The following ATP11B variants were observed in gnomAD, a reference collection of about 807,000 sequenced individuals.
The protein encoded by ATP11B is ATPase phospholipid transporting 11B (putative).
Under a neutral mutation model 157.8 loss-of-function variants are expected in ATP11B, and 81 were observed. That is an observed-to-expected ratio of 0.51 (90% CI 0.43 to 0.62). The LOEUF (loss-of-function observed/expected upper bound fraction) is 0.62, where lower values mean the gene tolerates loss of function less well. Among genes scored for constraint, ATP11B ranks in the 20% least tolerant of loss-of-function variants. ATP11B has a pLI of 0.00. For missense variants in ATP11B, 1,165 were observed against 1,402.2 expected (o/e 0.83, Z 2.70); for synonymous variants, 451 against 469.4 (o/e 0.96, Z 0.51).
At chr3:182,903,343 T>G (rs1265747389) in intron 28 of ATP11B, among the ~76,000 whole-genome samples, 1 of 152,168 alleles carries the variant, frequency 6.6e-6, no homozygotes, top group Non-Finnish European at 1.5e-5. Context: ...AAATTATTTT[T>G]TATTCTCAAG....
chr3:182,845,594 C>CTT, intron 9 of ATP11B, 72 bp downstream of exon 9: 1 of 940,024 alleles, frequency 1.1e-6, no homozygotes, highest in Non-Finnish European at 1.5e-6. Flanking sequence ...TTTAAAAGTA[C>CTT]AATGTGGTCT....
intron 7 of ATP11B, among the ~76,000 whole-genome samples, chr3:182,840,980 GCCCCCAT>G (rs1305829930): frequency 6.6e-6 from 1 of 151,978 alleles, no homozygotes; most frequent in Non-Finnish European, 1.5e-5. Context: ...TCTAGGATCT[GCCCCCAT>G]CCCCCATCCC....
rs1166581485 is a variant in ATP11B, at chr3:182,836,466, T to C, written c.548T>C (p.Leu183Pro). 1 of 1,613,948 alleles carries C rather than the reference T, an allele frequency of 6.2e-7. No homozygotes were observed. The highest frequency in any genetic ancestry group is 1.7e-5 in the Admixed American group (1 of 60,016). Residue 183 changes from leucine (L) to proline (P), a missense_variant, in exon 6 of 30, where the codon CTG (leucine) becomes CCG (proline). By Grantham distance (98) the Leu-to-Pro change is moderately conservative. Transcript: ENST00000323116. ...TTASLDGETN[L>P]KTHVAVPETA... is the part of the protein sequence containing the mutation. ...GCTAGTTTGGACGGAGAAACTAACCTGAAGGTTTGCTTGCATATGTTTGAG... is the reference window on the plus strand; with the variant it reads ...GCTAGTTTGGACGGAGAAACTAACCCGAAGGTTTGCTTGCATATGTTTGAG...
intron 12 of ATP11B, among the ~76,000 whole-genome samples, chr3:182,864,957 A>T (rs1172384365): frequency 1.3e-5 from 2 of 151,868 alleles, no homozygotes; most frequent in Non-Finnish European, 2.9e-5. Context: ...TTCTGTCCTC[A>T]GTTTCAACTT....
At chr3:182,882,554 C>T (rs759583568) in intron 21 of ATP11B, among the ~76,000 whole-genome samples, 5 of 147,762 alleles carry the variant, frequency 3.4e-5, no homozygotes, top group African/African-American at 5.0e-5. Flanking sequence ...TGTAACAAAA[C>T]AAATTCAAGA....
chr3:182,877,363 G>A (rs929751274), intron 19 of ATP11B, among the ~76,000 whole-genome samples: 3 of 152,154 alleles, frequency 2.0e-5, no homozygotes, highest in African/African-American at 7.2e-5. Context: ...TCATAATCCT[G>A]ACTTACAGGC....
intron 28 of ATP11B, among the ~76,000 whole-genome samples, chr3:182,905,503 A>G (rs1304268881): frequency 1.3e-5 from 2 of 152,136 alleles, no homozygotes; most frequent in African/African-American, 2.4e-5. Context: ...TGGCAAATGA[A>G]TTTAATAGAA....
At chr3:182,874,227 T>C (rs193234442) in intron 19 of ATP11B, among the ~76,000 whole-genome samples, 1 of 152,324 alleles carries the variant, frequency 6.6e-6, no homozygotes, top group East Asian at 1.9e-4. Flanking sequence ...CTATAAAGTT[T>C]GATTGGAACA....
chr3:182,865,871 C>G (rs1263012005), intron 13 of ATP11B, among the ~76,000 whole-genome samples, 173 bp downstream of exon 13: 1 of 152,024 alleles, frequency 6.6e-6, no homozygotes, highest in African/African-American at 2.4e-5. Context: ...TTGTTACAGC[C>G]CAGTTTAACT....
chr3:182,885,023 T>C (rs1310052939), intron 22 of ATP11B, 125 bp downstream of exon 22: 1 of 632,574 alleles, frequency 1.6e-6, no homozygotes. Context: ...CAGTATTTTG[T>C]CATAAATCTA....
Position 182,842,582 on chromosome 3 carries a change from A to G in ATP11B, c.704+460A>G, listed in dbSNP as rs909755066. ...CTTTACTCCAGAGTATAGGGCAGGA[A>G]GGACCCTCTCTGGGGATGGCCTTAA... On this transcript the variant is annotated intron_variant, in intron 8 of 29. Coordinates refer to ENST00000323116, the MANE Select transcript of ATP11B (RefSeq NM_014616.3). 1.2e-4 allele frequency among the ~76,000 whole-genome samples: 19 copies of G among 152,076 alleles called. 1 individual carries two copies. The highest frequency in any genetic ancestry group is 4.6e-4 in the African/African-American group (19 of 41,406).
At chr3:182,823,476 A>C (rs10049257) in intron 2 of ATP11B, among the ~76,000 whole-genome samples, 106,861 of 151,254 alleles carry the variant, frequency 0.71, 38,172 homozygotes, top group Non-Finnish European at 0.76. Context: ...TGGTCTATAT[A>C]TCTGTTTTGG....
chr3:182,867,421 T>A lies in ATP11B; in HGVS notation c.1665T>A (p.Val555=), dbSNP rs1393568896. 2 of 1,610,100 alleles carry A rather than the reference T, an allele frequency of 1.2e-6. No individual in the cohort carries two copies. The highest frequency in any genetic ancestry group is 1.7e-6 in the Non-Finnish European group (2 of 1,176,610). The change falls in exon 15 of 30, where the codon GTT becomes GTA. Residue 555 remains valine, a synonymous_variant. Transcript: ENST00000323116. Reference sequence around the variant, plus strand: ...GCAATTCTGAAGAAACTATGGAGGTTAAAACTCTTGGAAAACTGGAACGGT... The same window carrying A: ...GCAATTCTGAAGAAACTATGGAGGTAAAAACTCTTGGAAAACTGGAACGGT... ...FIGNSEETME[V]KTLGKLERYK... is the part of the protein sequence containing the mutation.
At chr3:182,835,333 A>T (rs1263480314) in intron 4 of ATP11B, among the ~76,000 whole-genome samples, 1 of 152,102 alleles carries the variant, frequency 6.6e-6, no homozygotes, top group East Asian at 1.9e-4. Flanking sequence ...AAATCTGCTC[A>T]TTTTTTTCTA....
intron 7 of ATP11B, among the ~76,000 whole-genome samples, chr3:182,837,405 AC>A (rs914851463): frequency 1.2e-4 from 19 of 152,118 alleles, no homozygotes; most frequent in Non-Finnish European, 2.5e-4. Flanking sequence ...TCTTCACATT[AC>A]CTTCTATTTT....
At chr3:182,831,962 GATGAATAA>G (rs1375921584) in intron 4 of ATP11B, among the ~76,000 whole-genome samples, 1 of 152,122 alleles carries the variant, frequency 6.6e-6, no homozygotes, top group African/African-American at 2.4e-5. Context: ...TTGTTTAACA[GATGAATAA>G]ATGAATGAAT....
intron 17 of ATP11B, among the ~76,000 whole-genome samples, chr3:182,871,969 C>T (rs544741021): frequency 1.1e-4 from 17 of 152,240 alleles, no homozygotes; most frequent in Admixed American, 4.6e-4. Context: ...GTGCCCGCCA[C>T]TATGCCCGCC....
chr3:182,887,118 G>A (rs1201218796), intron 23 of ATP11B, among the ~76,000 whole-genome samples: 5 of 152,148 alleles, frequency 3.3e-5, no homozygotes, highest in Non-Finnish European at 4.4e-5. Context: ...ATATCGTTAA[G>A]GACTTAAGCC....
intron 2 of ATP11B, among the ~76,000 whole-genome samples, chr3:182,821,824 T>G (rs932898553): frequency 2.0e-5 from 3 of 152,234 alleles, no homozygotes; most frequent in Admixed American, 1.3e-4. Flanking sequence ...ATATCATAAC[T>G]ATTGCCTGAA....
Sources: gnomAD v4.1 joint callset for allele counts (sites outside exome capture counted in the v4.1 genomes callset) on GRCh38, gnomAD v4.1.1 for gene constraint, MANE v1.5 for transcripts, NCBI Gene and HGNC (gene_info 2026-07-23, HGNC 2026-07-21) for gene names.